USP7: variants seen among roughly 807,000 people sequenced by gnomAD.
The protein encoded by USP7 is ubiquitin C-terminal hydrolase 7.
Under a neutral mutation model 162.9 loss-of-function variants are expected in USP7, and 9 were observed. That is an observed-to-expected ratio of 0.06 (90% CI 0.03 to 0.10). The LOEUF (loss-of-function observed/expected upper bound fraction) is 0.10. USP7 is among the 10% of genes least tolerant of loss of function. USP7 has a pLI of 1.00. For missense variants in USP7, 715 were observed against 1,373.7 expected, an observed-to-expected ratio of 0.52 and a Z score of 7.58; for synonymous variants, 562 against 475.9, an observed-to-expected ratio of 1.18 and a Z score of -2.35.
At chr16:8,932,096 A>G (rs1898385643) in intron 1 of USP7, among the ~76,000 whole-genome samples, 1 of 152,192 alleles carries the variant, frequency 6.6e-6, no homozygotes, top group African/African-American at 2.4e-5. Flanking sequence ...CCCAACGCTT[A>G]GATTACATCA....
rs1432180209 is a variant in USP7, at chr16:8,903,280, G to C, written c.1827C>G (p.Leu609=). 1 of 1,613,828 alleles carries C rather than the reference G, an allele frequency of 6.2e-7. No homozygotes were observed. Residue 609 remains leucine (L), a synonymous_variant, in exon 16 of 31, where the codon CTC becomes CTG. Coordinates refer to ENST00000344836, the MANE Select transcript of USP7 (RefSeq NM_003470.3). The part of the protein sequence containing the change: ...NSSLAEFVQS[L]SQTMGFPQDQ... ...GACCGGTACGCACCATGGTCTGAGAGAGGCTCTGAACAAACTCAGCAAGCG... is the reference window on the plus strand; with the variant it reads ...GACCGGTACGCACCATGGTCTGAGACAGGCTCTGAACAAACTCAGCAAGCG...
chr16:8,909,348 A>G (rs2217910), intron 11 of USP7, among the ~76,000 whole-genome samples: 1,818 of 152,290 alleles, frequency 0.012, 31 homozygotes, highest in African/African-American at 0.041. Flanking sequence ...GGACCATGAC[A>G]AGGCACACCC....
chr16:8,923,563 C>T (rs1897822605), intron 2 of USP7, 150 bp from the exon 3 acceptor site: 2 of 802,124 alleles, frequency 2.5e-6, no homozygotes, highest in African/African-American at 1.7e-5. Context: ...TATTAAAACC[C>T]GAAGACTGAG....
chr16:8,908,473 A>G, intron 11 of USP7, 23 bp from the exon 12 acceptor site: 10 of 1,589,440 alleles, frequency 6.3e-6, no homozygotes, highest in Non-Finnish European at 8.6e-6. Flanking sequence ...AAACAAATGC[A>G]AATGTAGTTA....
At chr16:8,929,881 A>G (rs1898221593) in intron 2 of USP7, among the ~76,000 whole-genome samples, 1 of 152,168 alleles carries the variant, frequency 6.6e-6, no homozygotes, top group Non-Finnish European at 1.5e-5. Flanking sequence ...GGAGGGATTC[A>G]TAGCTATCAT....
rs1369855232 is a variant in USP7 at position 8,963,561 on chromosome 16, G to T, written c.-276C>A. 1.1e-4 allele frequency: 3 copies of T among 27,452 alleles called. No individual in the cohort carries two copies. The highest frequency in any genetic ancestry group is 2.9e-4 in the Non-Finnish European group (3 of 10,226). The allele number at this position is 27,452 out of a possible 1,614,324, so 1.7% of individuals were successfully genotyped here. A position where few individuals can be genotyped will look rare whatever the true frequency, so the allele number is the denominator to read the frequency against. ...GCCGGGCCGGGCGGCCTCGTCGCTC[G>T]CTGCGGCCGCCGCCGCCGCCGCCGC... On this transcript the variant is annotated 5_prime_UTR_variant, in exon 1 of 31. Coordinates refer to ENST00000344836, the MANE Select transcript of USP7 (RefSeq NM_003470.3).
Position 8,919,230 on chromosome 16 carries a change from A to C in USP7, c.612-91T>G, listed in dbSNP as rs1897542800. The C allele has an allele frequency of 3.2e-5, 41 of 1,295,844 alleles. No homozygotes were observed. The South Asian group carries it at 4.9e-4, about 15-fold the overall frequency. 80.3% of individuals were successfully genotyped at this position (1,295,844 alleles called of 1,614,324 possible). A position where few individuals can be genotyped will look rare whatever the true frequency, so the allele number is the denominator to read the frequency against. ...AGCAATCTGACTCAAGGTCAGCCTTAAGGAAACCGAGGCCAGGAACACTTA... is the reference window on the plus strand; with the variant it reads ...AGCAATCTGACTCAAGGTCAGCCTTCAGGAAACCGAGGCCAGGAACACTTA... On this transcript the variant is annotated intron_variant, in intron 5 of 30. Coordinates refer to ENST00000344836, the MANE Select transcript of USP7 (RefSeq NM_003470.3).
chr16:8,963,823 G>A lies in USP7; in HGVS notation c.-538C>T, dbSNP rs1900119954. 6.8e-6 allele frequency among the ~76,000 whole-genome samples: 1 copy of A among 146,334 alleles called. No individual in the cohort carries two copies. The highest frequency in any genetic ancestry group is 2.5e-5 in the African/African-American group (1 of 40,786). On this transcript the variant is annotated 5_prime_UTR_variant, in exon 1 of 31. The change creates a new upstream start codon in the 5' untranslated region. Coordinates refer to ENST00000344836, the MANE Select transcript of USP7 (RefSeq NM_003470.3). ...GAGCCGCGGCCTCCGCCTCCTCGGC[G>A]TCGTCGTCGGGGCTCCGGCAGCGGA...
intron 2 of USP7, among the ~76,000 whole-genome samples, chr16:8,925,026 G>A (rs140621825): frequency 6.6e-5 from 10 of 152,254 alleles, no homozygotes; most frequent in East Asian, 1.9e-4. Flanking sequence ...AGATAATAAC[G>A]TCTAGAATGG....
intron 2 of USP7, among the ~76,000 whole-genome samples, chr16:8,927,539 G>A (rs1046596936): frequency 6.6e-6 from 1 of 152,082 alleles, no homozygotes; most frequent in African/African-American, 2.4e-5. Context: ...ATCTTCAGAG[G>A]CCGTATTTGC....
intron 2 of USP7, among the ~76,000 whole-genome samples, chr16:8,927,335 A>G (rs1898066386): frequency 6.6e-6 from 1 of 152,116 alleles, no homozygotes; most frequent in Non-Finnish European, 1.5e-5. Flanking sequence ...AAAAAAAGAA[A>G]GAAAGTTAAA....
intron 1 of USP7, among the ~76,000 whole-genome samples, chr16:8,961,284 G>A (rs368339567): frequency 1.3e-5 from 2 of 152,052 alleles, no homozygotes; most frequent in East Asian, 3.9e-4. Flanking sequence ...CCTGAGGTCG[G>A]GAGTTCGAGA....
intron 11 of USP7, among the ~76,000 whole-genome samples, chr16:8,909,527 G>A (rs959965631): frequency 4.6e-5 from 7 of 152,160 alleles, no homozygotes; most frequent in African/African-American, 7.2e-5. Flanking sequence ...CTGAGGCTTC[G>A]ACTCAAATAC....
intron 3 of USP7, among the ~76,000 whole-genome samples, chr16:8,922,395 G>A (rs188479448): frequency 1.4e-4 from 22 of 152,356 alleles, no homozygotes; most frequent in Non-Finnish European, 3.2e-4. Flanking sequence ...CGCCGAGGCA[G>A]GAGAATCGCT....
At chr16:8,910,547 A>G (rs1215498387) in intron 11 of USP7, among the ~76,000 whole-genome samples, 198 bp downstream of exon 11, 1 of 152,298 alleles carries the variant, frequency 6.6e-6, no homozygotes, top group East Asian at 1.9e-4. Context: ...GTGCTTCTAC[A>G]GGATAAACCA....
chr16:8,917,851 G>A (rs1289408779), intron 6 of USP7, among the ~76,000 whole-genome samples: 2 of 151,720 alleles, frequency 1.3e-5, no homozygotes, highest in African/African-American at 2.4e-5. Flanking sequence ...ATGCAGTGGC[G>A]TGATCTTGGC....
At chr16:8,918,894 C>T (rs1258230826) in intron 6 of USP7, 137 bp downstream of exon 6, 2 of 820,392 alleles carry the variant, frequency 2.4e-6, no homozygotes, top group Non-Finnish European at 4.0e-6. Context: ...AATGAAAACG[C>T]AGCATGAACT....
chr16:8,900,553 A>G lies in USP7; in HGVS notation c.2286T>C (p.Asp762=), dbSNP rs1363900583. The change falls in exon 21 of 31, where the codon GAT becomes GAC. Residue 762 remains aspartate, a synonymous_variant. Coordinates refer to ENST00000344836, the MANE Select transcript of USP7 (RefSeq NM_003470.3). ...ACTTCTGAAATACTATGATGTCACC[A>G]TCCATTAGTTCATCAAGGGCTTTAT... is the stretch of plus-strand genomic sequence containing the variant. ...SLDKALDELM[D]GDIIVFQKDD... The G allele has an allele frequency of 1.2e-6, 2 of 1,610,012 alleles. No homozygotes were observed. The highest frequency in any genetic ancestry group is 1.7e-6 in the Non-Finnish European group (2 of 1,178,686).
intron 1 of USP7, among the ~76,000 whole-genome samples, chr16:8,946,445 T>C (rs1160208623): frequency 1.3e-5 from 2 of 152,144 alleles, no homozygotes; most frequent in South Asian, 2.1e-4. Flanking sequence ...TGATCAACTT[T>C]GCTCCAGAAA....
Sources: allele counts gnomAD v4.1 joint callset (sites outside exome capture counted in the v4.1 genomes callset), GRCh38; gene constraint gnomAD v4.1.1; transcripts MANE v1.5; gene names NCBI Gene and HGNC (gene_info 2026-07-23, HGNC 2026-07-21).